Variants in LRRC3B observed in about 807,000 individuals in gnomAD.
The protein encoded by LRRC3B is leucine rich repeat containing 3B.
LRRC3B carries 2 observed loss-of-function variants against 12.8 expected under a neutral mutation model. The ratio of observed to expected loss-of-function variants is 0.16; its 90% CI spans 0.06 to 0.49. The LOEUF is 0.49. Among genes scored for constraint, LRRC3B ranks in the 20% least tolerant of loss-of-function variants. The pLI is 0.96. For synonymous variants in LRRC3B, 132 were observed against 122.0 expected, an observed-to-expected ratio of 1.08 and a Z score of -0.54; for missense variants, 189 against 319.4, an observed-to-expected ratio of 0.59 and a Z score of 3.11.
At position 26,702,590 on chromosome 3, in the gene LRRC3B, G is replaced by A. The variant is rs1433037617; in HGVS notation, c.-160-6923G>A. Reference sequence around the variant, plus strand: ...TTTCTATGTCTGTGTAAGAAAACATGGTGGGAGATACAACTGTAAAAGGAG... The same window carrying A: ...TTTCTATGTCTGTGTAAGAAAACATAGTGGGAGATACAACTGTAAAAGGAG... On this transcript the variant is annotated intron_variant, in intron 1 of 1. Transcript: ENST00000396641. 3.3e-5 allele frequency among the ~76,000 whole-genome samples: 5 copies of A among 152,272 alleles called. 1 individual carries two copies. The highest frequency in any genetic ancestry group is 1.2e-4 in the African/African-American group (5 of 41,568).
chr3:26,685,052 C>T (rs533910283), intron 1 of LRRC3B, among the ~76,000 whole-genome samples: 1 of 152,286 alleles, frequency 6.6e-6, no homozygotes, highest in Admixed American at 6.5e-5. Context: ...CTCCAGGCTT[C>T]AACCAATTCT....
chr3:26,633,718 G>T (rs79415423), intron 1 of LRRC3B, among the ~76,000 whole-genome samples: 3,379 of 152,222 alleles, frequency 0.022, 112 homozygotes, highest in East Asian at 0.13. Flanking sequence ...CACAGGAAAA[G>T]GGAACAGAAT....
chr3:26,696,055 T>C (rs1275420355), intron 1 of LRRC3B, among the ~76,000 whole-genome samples: 1 of 152,242 alleles, frequency 6.6e-6, no homozygotes, highest in Non-Finnish European at 1.5e-5. Flanking sequence ...TTATTTCACA[T>C]TATTTATGAT....
chr3:26,687,623 G>T (rs1402905581), intron 1 of LRRC3B, among the ~76,000 whole-genome samples: 1 of 152,146 alleles, frequency 6.6e-6, no homozygotes, highest in East Asian at 1.9e-4. Context: ...GGCAGCATGG[G>T]GTACAAGAAT....
chr3:26,629,999 A>G (rs1342820464), intron 1 of LRRC3B, among the ~76,000 whole-genome samples: 1 of 151,716 alleles, frequency 6.6e-6, no homozygotes. Flanking sequence ...AAATCTATCC[A>G]AAGGAAGAGA....
intron 1 of LRRC3B, among the ~76,000 whole-genome samples, chr3:26,631,838 C>T (rs2125400679): frequency 6.6e-6 from 1 of 151,354 alleles, no homozygotes; most frequent in Admixed American, 6.6e-5. Flanking sequence ...GGCTCTACTT[C>T]CCCCGTAAGA....
chr3:26,670,268 C>A (rs936831007), intron 1 of LRRC3B, among the ~76,000 whole-genome samples: 2 of 152,190 alleles, frequency 1.3e-5, no homozygotes, highest in South Asian at 2.1e-4. Context: ...AGAGATGAAG[C>A]AGTCTCCTAG....
intron 1 of LRRC3B, among the ~76,000 whole-genome samples, chr3:26,656,159 T>C (rs1030970314): frequency 4.6e-5 from 7 of 152,146 alleles, no homozygotes; most frequent in African/African-American, 1.7e-4. Context: ...GGTATATTGG[T>C]GCTGCTGCTG....
chr3:26,631,515 A>G (rs1698756648), intron 1 of LRRC3B, among the ~76,000 whole-genome samples: 1 of 152,226 alleles, frequency 6.6e-6, no homozygotes, highest in South Asian at 2.1e-4. Flanking sequence ...TAAGTGATAA[A>G]GAGGGAACTG....
At chr3:26,636,819 T>A (rs1575114569) in intron 1 of LRRC3B, among the ~76,000 whole-genome samples, 1 of 28,464 alleles carries the variant, frequency 3.5e-5, no homozygotes, top group African/African-American at 1.9e-4. Context: ...CCTCCCTCCC[T>A]CCCTCCCTCC....
At chr3:26,679,082 C>T (rs1427834352) in intron 1 of LRRC3B, among the ~76,000 whole-genome samples, 1 of 152,168 alleles carries the variant, frequency 6.6e-6, no homozygotes, top group East Asian at 1.9e-4. Context: ...ACCTAGACAG[C>T]TAGAACCATT....
At chr3:26,698,517 C>A (rs1700375297) in intron 1 of LRRC3B, among the ~76,000 whole-genome samples, 1 of 152,042 alleles carries the variant, frequency 6.6e-6, no homozygotes. Flanking sequence ...ATTCCTAAGA[C>A]TTTTTTGCAT....
chr3:26,687,860 A>G (rs1355324098), intron 1 of LRRC3B, among the ~76,000 whole-genome samples: 1 of 152,230 alleles, frequency 6.6e-6, no homozygotes, highest in Admixed American at 6.5e-5. Flanking sequence ...CATAGTTTGA[A>G]TAAGAATTAG....
At chr3:26,702,355 T>C (rs768464952) in intron 1 of LRRC3B, among the ~76,000 whole-genome samples, 4 of 152,182 alleles carry the variant, frequency 2.6e-5, no homozygotes, top group African/African-American at 7.2e-5. Flanking sequence ...TCAGTTCATA[T>C]CCTTGACTAA....
In LRRC3B at chr3:26,669,840, G is replaced by T. The variant is rs182029640; in HGVS notation, c.-160-39673G>T. ...GGCTGATTATTTTATTTTAGTTTATGTTGCTTTGGTTTGGTTCAGTTCAAT... is the reference window on the plus strand; with the variant it reads ...GGCTGATTATTTTATTTTAGTTTATTTTGCTTTGGTTTGGTTCAGTTCAAT... On this transcript the variant is annotated intron_variant, in intron 1 of 1. Coordinates refer to ENST00000396641, the Ensembl canonical transcript of LRRC3B. Among the ~76,000 whole-genome samples the T allele has an allele frequency of 3.0e-3, 462 of 152,238 alleles. 1 individual carries two copies. The highest frequency in any genetic ancestry group is 0.011 in the African/African-American group (445 of 41,550).
intron 1 of LRRC3B, among the ~76,000 whole-genome samples, chr3:26,660,647 G>C (rs943249985): frequency 6.6e-6 from 1 of 152,076 alleles, no homozygotes; most frequent in African/African-American, 2.4e-5. Context: ...GCTTTCCCTG[G>C]TATTGTTCTA....
chr3:26,664,336 A>G lies in LRRC3B; in HGVS notation c.-161+41099A>G, dbSNP rs547902989. On this transcript the variant is annotated intron_variant, in intron 1 of 1. Transcript: ENST00000396641. Reference sequence around the variant, plus strand: ...GTTGAGAATTTGAGTATTGCTATATACACAATATCCTTTCAGGTGTCTGTC... The same window carrying G: ...GTTGAGAATTTGAGTATTGCTATATGCACAATATCCTTTCAGGTGTCTGTC... Among the ~76,000 whole-genome samples the G allele has an allele frequency of 5.9e-5, 9 of 152,074 alleles. 1 individual carries two copies. In the Middle Eastern group the frequency reaches 0.01, roughly 172 times the overall value.
At chr3:26,701,289 A>G (rs2125459018) in intron 1 of LRRC3B, 1 of 151,768 alleles carries the variant, frequency 6.6e-6, no homozygotes, top group African/African-American at 2.4e-5. Context: ...ATTCCACTCC[A>G]CCCCCAGGTG....
intron 1 of LRRC3B, among the ~76,000 whole-genome samples, chr3:26,685,533 A>C (rs1392576093): frequency 0.12 from 9,068 of 74,542 alleles, 435 homozygotes; most frequent in Non-Finnish European, 0.19. Flanking sequence ...CTATATATAT[A>C]TATATATATA....
Sources: allele counts gnomAD v4.1 joint callset (sites outside exome capture counted in the v4.1 genomes callset), GRCh38; gene constraint gnomAD v4.1.1; transcripts MANE v1.5; gene names NCBI Gene and HGNC (gene_info 2026-07-23, HGNC 2026-07-21).